ST18: variants seen among roughly 807,000 people sequenced by gnomAD.
ST18 encodes ST18 C2H2C-type zinc finger transcription factor.
In ST18, 50 loss-of-function variants were observed where a neutral mutation model predicts 110.0. The ratio of observed to expected loss-of-function variants is 0.45; its 90% CI spans 0.36 to 0.58. ST18 has a LOEUF of 0.58. Ranked by LOEUF, ST18 falls within the 20% of genes least tolerant of loss-of-function variation. The pLI is 0.00. For synonymous variants in ST18, 461 were observed against 452.4 expected, an observed-to-expected ratio of 1.02 and a Z score of -0.24; for missense variants, 1,306 against 1,280.1, an observed-to-expected ratio of 1.02 and a Z score of -0.31.
At chr8:52,301,683 GA>G (rs1410297259) in intron 2 of ST18, among the ~76,000 whole-genome samples, 1 of 152,168 alleles carries the variant, frequency 6.6e-6, no homozygotes, top group Non-Finnish European at 1.5e-5. Flanking sequence ...ACATTTCCCT[GA>G]AAGTGTAATT....
At chr8:52,252,720 C>T (rs566815560) in intron 2 of ST18, among the ~76,000 whole-genome samples, 30 of 151,944 alleles carry the variant, frequency 2.0e-4, no homozygotes, top group South Asian at 1.2e-3. Context: ...CAGTGATTTC[C>T]GCTAATTTGG....
In ST18 at chr8:52,112,441, A is replaced by T. The variant is rs1429625838; in HGVS notation, c.*757T>A. On this transcript the variant is annotated 3_prime_UTR_variant, in exon 26 of 26. Coordinates refer to ENST00000689386, the MANE Select transcript of ST18 (RefSeq NM_001352837.2). ...TGTTTCTTTAAAACATTTCAAATAA[A>T]TAATTCATATTAACGAAAACCGTCC... 6.6e-6 allele frequency: 1 copy of T among 152,646 alleles called. No individual in the cohort carries two copies. The highest frequency in any genetic ancestry group is 1.5e-5 in the Non-Finnish European group (1 of 68,044). The allele number at this position is 152,646 out of a possible 1,614,324, so 9.5% of individuals were successfully genotyped here. A position where few individuals can be genotyped will look rare whatever the true frequency, so the allele number is the denominator to read the frequency against.
At chr8:52,360,429 T>C (rs1825206834) in intron 2 of ST18, among the ~76,000 whole-genome samples, 1 of 152,078 alleles carries the variant, frequency 6.6e-6, no homozygotes, top group African/African-American at 2.4e-5. Context: ...TATAAATATA[T>C]TATGGTACAT....
At chr8:52,361,127 A>G (rs1423273149) in intron 2 of ST18, among the ~76,000 whole-genome samples, 1 of 152,162 alleles carries the variant, frequency 6.6e-6, no homozygotes, top group African/African-American at 2.4e-5. Flanking sequence ...ACCGTAGTAT[A>G]TTTTCCCCCA....
intron 2 of ST18, among the ~76,000 whole-genome samples, chr8:52,230,426 AG>A (rs997054106): frequency 8.6e-5 from 13 of 152,014 alleles, no homozygotes; most frequent in African/African-American, 3.1e-4. Context: ...AAAAAAAAAA[AG>A]AATCAGTGGT....
chr8:52,252,619 A>G (rs2094367485), intron 2 of ST18, among the ~76,000 whole-genome samples: 1 of 152,034 alleles, frequency 6.6e-6, no homozygotes, highest in Admixed American at 6.6e-5. Flanking sequence ...AGTATATCCA[A>G]ATTTAAAATA....
chr8:52,405,567 A>G (rs1029038560), intron 2 of ST18: 1 of 152,046 alleles, frequency 6.6e-6, no homozygotes, highest in Non-Finnish European at 1.5e-5. Context: ...TGACAACTAC[A>G]TTTCCTACTA....
intron 2 of ST18, among the ~76,000 whole-genome samples, chr8:52,306,114 T>C (rs915340535): frequency 2.0e-5 from 3 of 152,218 alleles, no homozygotes; most frequent in African/African-American, 7.2e-5. Context: ...GACTGTTCCC[T>C]AGGCTAAAAT....
At chr8:52,257,748 C>G (rs2094569052) in intron 2 of ST18, among the ~76,000 whole-genome samples, 1 of 152,098 alleles carries the variant, frequency 6.6e-6, no homozygotes, top group Admixed American at 6.6e-5. Context: ...TGTCTTTTCA[C>G]TTTGATGTTT....
rs538986343 is a variant in ST18, at chr8:52,331,520, G to A, written c.-465+77808C>T. Among the ~76,000 whole-genome samples the A allele has an allele frequency of 1.1e-3, 173 of 152,148 alleles. No homozygotes were observed. The Middle Eastern group carries it at 0.014, about 12-fold the overall frequency. ...CCAGCCCGTCTCTGCAATGAGAAACGAAAAGGGAGAAAATGCAGGGAAGAC... is the reference window on the plus strand; with the variant it reads ...CCAGCCCGTCTCTGCAATGAGAAACAAAAAGGGAGAAAATGCAGGGAAGAC... On this transcript the variant is annotated intron_variant, in intron 2 of 25. Transcript: ENST00000689386.
intron 2 of ST18, among the ~76,000 whole-genome samples, chr8:52,249,184 C>T (rs530538219): frequency 6.6e-6 from 1 of 152,206 alleles, no homozygotes; most frequent in Admixed American, 6.5e-5. Flanking sequence ...AACAGCAAAA[C>T]AAAACAACAA....
intron 23 of ST18, among the ~76,000 whole-genome samples, chr8:52,120,501 A>T (rs1259688611): frequency 6.6e-6 from 1 of 152,150 alleles, no homozygotes; most frequent in Non-Finnish European, 1.5e-5. Context: ...GACTTTCAAG[A>T]TCAGAAGGAG....
At chr8:52,370,238 G>A (rs1251318439) in intron 2 of ST18, among the ~76,000 whole-genome samples, 2 of 152,162 alleles carry the variant, frequency 1.3e-5, no homozygotes, top group Admixed American at 6.5e-5. Context: ...TTCCTGGGAC[G>A]ACCAAGACAA....
chr8:52,259,373 A>G (rs1395754815), intron 2 of ST18, among the ~76,000 whole-genome samples: 1 of 152,184 alleles, frequency 6.6e-6, no homozygotes, highest in Non-Finnish European at 1.5e-5. Flanking sequence ...CAACCGCTAG[A>G]CATAAGTTTA....
intron 2 of ST18, among the ~76,000 whole-genome samples, chr8:52,270,911 G>A (rs1161887403): frequency 6.9e-6 from 1 of 144,720 alleles, no homozygotes; most frequent in Non-Finnish European, 1.5e-5. Context: ...TATAAGTTTT[G>A]TTTTTTTTTT....
intron 2 of ST18, among the ~76,000 whole-genome samples, chr8:52,275,162 A>G (rs907616483): frequency 2.0e-5 from 3 of 152,136 alleles, no homozygotes; most frequent in African/African-American, 7.2e-5. Context: ...TAATTTAATG[A>G]AAGAGCTTCC....
At chr8:52,377,593 A>G (rs1274614569) in intron 2 of ST18, among the ~76,000 whole-genome samples, 1 of 152,242 alleles carries the variant, frequency 6.6e-6, no homozygotes, top group Non-Finnish European at 1.5e-5. Context: ...TTCAAAAGAC[A>G]GGAAATAAAA....
chr8:52,340,527 G>A (rs1042486695), intron 2 of ST18, among the ~76,000 whole-genome samples: 1 of 152,146 alleles, frequency 6.6e-6, no homozygotes, highest in Non-Finnish European at 1.5e-5. Flanking sequence ...AGTCTATCAC[G>A]GGGTTTTCAT....
At chr8:52,386,219 G>T (rs1040552350) in intron 2 of ST18, among the ~76,000 whole-genome samples, 1 of 151,986 alleles carries the variant, frequency 6.6e-6, no homozygotes, top group African/African-American at 2.4e-5. Context: ...TTAATGCCAT[G>T]GTAGAATTTA....
Sources: allele counts gnomAD v4.1 joint callset (sites outside exome capture counted in the v4.1 genomes callset), GRCh38; gene constraint gnomAD v4.1.1; transcripts MANE v1.5; gene names NCBI Gene and HGNC (gene_info 2026-07-23, HGNC 2026-07-21).